Variants in SLC9A8 observed in about 807,000 individuals in gnomAD.
SLC9A8 encodes the protein solute carrier family 9 member A8.
A neutral mutation model predicts 66.6 loss-of-function variants in SLC9A8; 48 were observed. The ratio of observed to expected loss-of-function variants is 0.72; its 90% confidence interval spans 0.57 to 0.92. SLC9A8 has a LOEUF of 0.92. Among genes scored for constraint, SLC9A8 ranks in the 40% least tolerant of loss-of-function variants. The pLI is 0.00. For synonymous variants in SLC9A8, 274 were observed against 282.6 expected, an observed-to-expected ratio of 0.97 and a Z score of 0.31; for missense variants, 599 against 747.3, an observed-to-expected ratio of 0.80 and a Z score of 2.31.
chr20:49,850,919 G>A (rs2088223002), intron 7 of SLC9A8, 75 bp downstream of exon 7: 6 of 1,096,064 alleles, frequency 5.5e-6, no homozygotes, highest in East Asian at 2.4e-5. Flanking sequence ...TTGCTTCCTG[G>A]GTGTGGTACT....
chr20:49,878,005 G>A lies in SLC9A8; in HGVS notation c.1100G>A (p.Gly367Asp). ...LCETCVFAFL[G>D]LSIFSFPHKF... is the part of the protein sequence containing the mutation. ...GAAACATGTGTGTTTGCATTTCTTGGCCTGTCCATTTTTAGTTTTCCTCAC... is the reference window on the plus strand; with the variant it reads ...GAAACATGTGTGTTTGCATTTCTTGACCTGTCCATTTTTAGTTTTCCTCAC... The change falls in exon 12 of 16, where the codon GGC becomes GAC. Residue 367 changes from glycine (G) to aspartate (D), a missense_variant. Gly to Asp is a moderately conservative substitution (Grantham distance 94, BLOSUM62 -1). Transcript: ENST00000361573. 1 of 1,604,356 alleles carries A rather than the reference G, an allele frequency of 6.2e-7. No homozygotes were observed. Among genetic ancestry groups the A allele is most frequent in the Non-Finnish European group, 8.5e-7 (1 of 1,177,648 alleles).
intron 2 of SLC9A8, among the ~76,000 whole-genome samples, chr20:49,822,532 C>T (rs2086778488): frequency 6.6e-6 from 1 of 152,202 alleles, no homozygotes; most frequent in South Asian, 2.1e-4. Flanking sequence ...CGCCTGTAAT[C>T]CCAGCACTTT....
At chr20:49,817,874 T>C (rs1230688520) in intron 2 of SLC9A8, among the ~76,000 whole-genome samples, 1 of 152,196 alleles carries the variant, frequency 6.6e-6, no homozygotes, top group Non-Finnish European at 1.5e-5. Flanking sequence ...TCTTTTTCTT[T>C]TGTGATAGTA....
In SLC9A8 at chr20:49,874,593, T is replaced by C. The variant is rs536453717; in HGVS notation, c.959-112T>C. On this transcript the variant is annotated intron_variant, in intron 10 of 15. Coordinates refer to ENST00000361573, the MANE Select transcript of SLC9A8 (RefSeq NM_015266.3). ...GGAGGCTTCAGGAATTCATTTATTTTCCTTTTTCTTAAACCCTCTAATGCT... is the reference window on the plus strand; with the variant it reads ...GGAGGCTTCAGGAATTCATTTATTTCCCTTTTTCTTAAACCCTCTAATGCT... The C allele has an allele frequency of 4.7e-5, 34 of 722,390 alleles. No homozygotes were observed. The South Asian group carries it at 5.1e-4, about 11-fold the overall frequency. The allele number at this position is 722,390 out of a possible 1,614,324, so 44.7% of individuals were successfully genotyped here. A position where few individuals can be genotyped will look rare whatever the true frequency, so the allele number is the denominator to read the frequency against.
intron 3 of SLC9A8, among the ~76,000 whole-genome samples, chr20:49,825,898 G>A (rs2086897203): frequency 6.6e-6 from 1 of 152,190 alleles, no homozygotes; most frequent in African/African-American, 2.4e-5. Flanking sequence ...ACTGCAGTGG[G>A]AGAGAGAACC....
chr20:49,837,146 T>C (rs1367056719), intron 3 of SLC9A8, among the ~76,000 whole-genome samples: 2 of 152,214 alleles, frequency 1.3e-5, no homozygotes, highest in African/African-American at 4.8e-5. Flanking sequence ...TGAAACTGTT[T>C]GTCTCTTATT....
chr20:49,832,329 G>A (rs2087239248), intron 3 of SLC9A8, among the ~76,000 whole-genome samples: 1 of 152,098 alleles, frequency 6.6e-6, no homozygotes, highest in African/African-American at 2.4e-5. Flanking sequence ...GGGGTCTGTC[G>A]GGGGTGAAAA....
chr20:49,820,466 A>C (rs553968076), intron 2 of SLC9A8, among the ~76,000 whole-genome samples: 2 of 152,180 alleles, frequency 1.3e-5, no homozygotes, highest in East Asian at 3.9e-4. Context: ...ACTGCACTCC[A>C]GCCTGGGTGA....
chr20:49,834,999 A>T (rs188911006), intron 3 of SLC9A8, among the ~76,000 whole-genome samples: 31 of 152,362 alleles, frequency 2.0e-4, no homozygotes, highest in Admixed American at 2.0e-3. Context: ...CTTGCCCACT[A>T]TGTTGGCAGA....
chr20:49,888,134 CTG>C lies in SLC9A8; in HGVS notation c.*200_*201del. 1 of 518,726 alleles carries C rather than the reference CTG, an allele frequency of 1.9e-6. No individual in the cohort carries two copies. The allele number at this position is 518,726 out of a possible 1,614,324, so 32.1% of individuals were successfully genotyped here. On this transcript the variant is annotated 3_prime_UTR_variant, in exon 16 of 16. Transcript: ENST00000361573. ...TGGAGCCAGGCGACTTCTTGGGAAA[CTG>C]TCATCTCCCGACTCCTCCCTGAGCC...
chr20:49,854,583 C>T (rs534076214), intron 7 of SLC9A8, among the ~76,000 whole-genome samples: 70 of 152,036 alleles, frequency 4.6e-4, no homozygotes, highest in African/African-American at 1.6e-3. Context: ...TCTGAATTTG[C>T]CTTCATCTCT....
At chr20:49,878,535 T>A (rs867545018) in intron 12 of SLC9A8, among the ~76,000 whole-genome samples, 10 of 152,228 alleles carry the variant, frequency 6.6e-5, no homozygotes, top group African/African-American at 1.4e-4. Context: ...ATTATGTACT[T>A]CTTACTGCAG....
rs775717248 is a variant in SLC9A8 at position 49,883,907 on chromosome 20, G to A, written c.1332G>A (p.Lys444=). 2.2e-5 allele frequency: 36 copies of A among 1,610,994 alleles called. No homozygotes were observed. Among genetic ancestry groups the A allele is most frequent in the Non-Finnish European group, 3.1e-5 (36 of 1,179,998 alleles). ...ACCTGGACCTGGAGCCCATGGAGAA[G>A]CGGCAGCTCATCGGCACCACCACCA... is the stretch of plus-strand genomic sequence containing the variant. ...SLHLDLEPME[K]RQLIGTTTIV... The change falls in exon 14 of 16, where the codon AAG becomes AAA. Residue 444 remains lysine, a synonymous_variant. Transcript: ENST00000361573.
At chr20:49,828,933 G>GTA (rs1395490272) in intron 3 of SLC9A8, among the ~76,000 whole-genome samples, 1 of 149,614 alleles carries the variant, frequency 6.7e-6, no homozygotes, top group African/African-American at 2.5e-5. Context: ...GTGTGTGTGT[G>GTA]TATGTATGCA....
chr20:49,880,485 G>C (rs1228417856), intron 12 of SLC9A8, among the ~76,000 whole-genome samples: 1 of 152,098 alleles, frequency 6.6e-6, no homozygotes, highest in Non-Finnish European at 1.5e-5. Flanking sequence ...TTCCCTGAGG[G>C]AGAGGCAGAA....
intron 10 of SLC9A8, among the ~76,000 whole-genome samples, chr20:49,873,084 G>T (rs1313799795): frequency 6.6e-6 from 1 of 152,174 alleles, no homozygotes. Flanking sequence ...ACACACCCTC[G>T]TGCAGGGCTC....
At position 49,832,660 on chromosome 20, in the gene SLC9A8, C is replaced by T. The variant is rs1314735285; in HGVS notation, c.290-6881C>T. Among the ~76,000 whole-genome samples the T allele has an allele frequency of 5.9e-5, 9 of 152,076 alleles. 1 individual carries two copies. The highest frequency in any genetic ancestry group is 5.8e-4 in the East Asian group (3 of 5,178). On this transcript the variant is annotated intron_variant, in intron 3 of 15. Coordinates refer to ENST00000361573, the MANE Select transcript of SLC9A8 (RefSeq NM_015266.3). ...ACCTGAGTTAGAGGATTGCAGAAGACGAGGTGGGAGGGCAGGGAAGATGCC... is the reference window on the plus strand; with the variant it reads ...ACCTGAGTTAGAGGATTGCAGAAGATGAGGTGGGAGGGCAGGGAAGATGCC...
In SLC9A8 at chr20:49,884,265, C is replaced by CG. The variant is rs1568883842; in HGVS notation, c.1491+199_1491+200insG. 2.6e-3 allele frequency: 881 copies of CG among 332,990 alleles called. 16 individuals carry two copies. The highest frequency in any genetic ancestry group is 4.8e-3 in the African/African-American group (127 of 26,720). The allele number at this position is 332,990 out of a possible 1,614,324, so 20.6% of individuals were successfully genotyped here. ...ACGACACACACACACACACGACACA[C>CG]ACACACACGACACACACACACACGA... is the stretch of plus-strand genomic sequence containing the variant. On this transcript the variant is annotated intron_variant, in intron 14 of 15. Transcript: ENST00000361573.
At chr20:49,827,746 G>A (rs953814297) in intron 3 of SLC9A8, among the ~76,000 whole-genome samples, 36 of 152,022 alleles carry the variant, frequency 2.4e-4, no homozygotes, top group African/African-American at 8.2e-4. Context: ...CCAGATTAGG[G>A]TTATAAGTGG....
Sources: gnomAD v4.1 joint callset for allele counts (sites outside exome capture counted in the v4.1 genomes callset) on GRCh38, gnomAD v4.1.1 for gene constraint, MANE v1.5 for transcripts, NCBI Gene and HGNC (gene_info 2026-07-23, HGNC 2026-07-21) for gene names.